Variants in PARD3B observed in about 807,000 individuals in gnomAD.
The protein encoded by PARD3B is par-3 family cell polarity regulator beta.
A neutral mutation model predicts 130.2 loss-of-function variants in PARD3B; 103 were observed. The observed-to-expected ratio is 0.79, with a 90% confidence interval of 0.67 to 0.93. PARD3B has a LOEUF of 0.93. Among genes scored for constraint, PARD3B ranks in the 40% least tolerant of loss-of-function variants. PARD3B has a pLI of 0.00. For missense variants in PARD3B, 1,609 were observed against 1,499.2 expected (o/e 1.07, Z -1.21); for synonymous variants, 583 against 553.2 (o/e 1.05, Z -0.76).
In PARD3B at chr2:204,887,040, A is replaced by AT. The variant is rs1307939373; in HGVS notation, c.223-78105dup. On this transcript the variant is annotated intron_variant, in intron 2 of 22. Coordinates refer to ENST00000406610, the MANE Select transcript of PARD3B (RefSeq NM_001302769.2). The surrounding 1 kb of genome is among the most constrained non-coding windows in gnomAD (Gnocchi z 4.2). Reference sequence around the variant, plus strand: ...TTTTATGCAGAAAACCCTTTGAGGCATTTTTTTAAATCAGTTTTTTTTAAT... The same window carrying AT: ...TTTTATGCAGAAAACCCTTTGAGGCATTTTTTTTAAATCAGTTTTTTTTAAT... Among the ~76,000 whole-genome samples the AT allele has an allele frequency of 5.9e-5, 9 of 152,280 alleles. No homozygotes were observed. Among genetic ancestry groups the AT allele is most frequent in the Non-Finnish European group, 4.4e-5 (3 of 67,992 alleles).
At chr2:204,598,623 G>A (rs1394073196) in intron 1 of PARD3B, among the ~76,000 whole-genome samples, 1 of 152,060 alleles carries the variant, frequency 6.6e-6, no homozygotes, top group African/African-American at 2.4e-5. Flanking sequence ...AAATGTGTAT[G>A]TATGCAAGTA....
intron 2 of PARD3B, among the ~76,000 whole-genome samples, chr2:204,870,495 G>C (rs561728154): frequency 6.6e-6 from 1 of 152,240 alleles, no homozygotes; most frequent in South Asian, 2.1e-4. Flanking sequence ...CCAGGAAATA[G>C]GTGGTCATGT....
At chr2:204,815,505 AT>A (rs943965465) in intron 2 of PARD3B, among the ~76,000 whole-genome samples, 6 of 151,786 alleles carry the variant, frequency 4.0e-5, no homozygotes, top group African/African-American at 1.4e-4. Context: ...TATTTTCTGT[AT>A]TATTTCTGCT....
chr2:204,682,524 T>C (rs1310551903), intron 1 of PARD3B, among the ~76,000 whole-genome samples: 1 of 152,238 alleles, frequency 6.6e-6, no homozygotes, highest in Non-Finnish European at 1.5e-5. Context: ...AAATTCCGTT[T>C]TGTTTTTACC....
chr2:205,126,752 CAAAAAAAAAAAAAAAAAA>C (rs4045004), intron 10 of PARD3B, among the ~76,000 whole-genome samples: 3 of 74,454 alleles, frequency 4.0e-5, no homozygotes, highest in East Asian at 4.1e-4. Context: ...GACTCCGTCT[CAAAAAAAAAAAAAAAAAA>C]AAAAAAAAAA....
At chr2:204,640,934 A>G (rs2035055006) in intron 1 of PARD3B, among the ~76,000 whole-genome samples, 2 of 147,928 alleles carry the variant, frequency 1.4e-5, no homozygotes, top group South Asian at 4.2e-4. Flanking sequence ...TATAATGTAT[A>G]TTTACTATGT....
chr2:204,949,252 C>CT (rs1436290305), intron 2 of PARD3B, among the ~76,000 whole-genome samples: 2 of 152,030 alleles, frequency 1.3e-5, no homozygotes, highest in Non-Finnish European at 2.9e-5. Flanking sequence ...TAATTGGTAT[C>CT]TTTTTTTCTC....
At chr2:205,080,207 C>T (rs566565784) in intron 4 of PARD3B, among the ~76,000 whole-genome samples, 7 of 152,198 alleles carry the variant, frequency 4.6e-5, no homozygotes, top group Admixed American at 6.5e-5. Flanking sequence ...AAATTTTACA[C>T]GTATTCCCCT....
At chr2:204,857,465 G>GA (rs1297699114) in intron 2 of PARD3B, among the ~76,000 whole-genome samples, 4 of 152,022 alleles carry the variant, frequency 2.6e-5, no homozygotes, top group East Asian at 1.9e-4. Flanking sequence ...AGATGAATGA[G>GA]AAAAAATCAT....
chr2:204,728,475 T>A (rs1316108633), intron 2 of PARD3B, among the ~76,000 whole-genome samples: 2 of 152,152 alleles, frequency 1.3e-5, no homozygotes, highest in Non-Finnish European at 2.9e-5. Context: ...GTGTTGAGGC[T>A]GAGGCAGTAA....
intron 22 of PARD3B, among the ~76,000 whole-genome samples, chr2:205,602,140 AT>A (rs1320151554): frequency 5.9e-5 from 9 of 152,002 alleles, no homozygotes; most frequent in African/African-American, 2.2e-4. Flanking sequence ...TAATCATGTG[AT>A]TTTTGTCTTC....
intron 4 of PARD3B, among the ~76,000 whole-genome samples, chr2:205,088,311 ATAAAT>A (rs547495724): frequency 8.5e-5 from 13 of 152,238 alleles, no homozygotes; most frequent in East Asian, 1.9e-4. Flanking sequence ...AAATAAGGAA[ATAAAT>A]TAAGATAAGA....
chr2:205,404,729 G>A (rs2046362682), intron 19 of PARD3B, among the ~76,000 whole-genome samples: 1 of 151,918 alleles, frequency 6.6e-6, no homozygotes, highest in Non-Finnish European at 1.5e-5. Flanking sequence ...TGTACAGACT[G>A]GTCTCTAATT....
chr2:204,905,728 G>A (rs2047020073), intron 2 of PARD3B, among the ~76,000 whole-genome samples: 1 of 152,130 alleles, frequency 6.6e-6, no homozygotes, highest in South Asian at 2.1e-4. Context: ...GGAAGAGTGG[G>A]GGTTAAATTA....
chr2:205,456,750 G>A (rs1228389661), intron 20 of PARD3B, among the ~76,000 whole-genome samples: 1 of 150,466 alleles, frequency 6.6e-6, no homozygotes, highest in Non-Finnish European at 1.5e-5. Context: ...ATTTATTATA[G>A]TATATAATTA....
At chr2:204,821,427 A>G (rs888024871) in intron 2 of PARD3B, among the ~76,000 whole-genome samples, 2 of 151,996 alleles carry the variant, frequency 1.3e-5, no homozygotes, top group African/African-American at 4.8e-5. Flanking sequence ...GGAAATCATC[A>G]TTCTCAGTAA....
intron 3 of PARD3B, among the ~76,000 whole-genome samples, chr2:205,009,542 G>T (rs558449985): frequency 1.1e-3 from 167 of 151,930 alleles, no homozygotes; most frequent in Admixed American, 2.1e-3. Flanking sequence ...ATGGTGGCGG[G>T]CGCCTGTAGT....
chr2:205,577,369 T>G (rs1198115423), intron 22 of PARD3B, among the ~76,000 whole-genome samples: 1 of 152,114 alleles, frequency 6.6e-6, no homozygotes, highest in Non-Finnish European at 1.5e-5. Context: ...ACCAACCAAA[T>G]GAAAACAATG....
chr2:205,612,957 G>A (rs1239065800), intron 22 of PARD3B, among the ~76,000 whole-genome samples: 6 of 152,118 alleles, frequency 3.9e-5, no homozygotes. Context: ...CTCGCCGACT[G>A]TACTGTCACA....
Sources: gnomAD v4.1 joint callset for allele counts (sites outside exome capture counted in the v4.1 genomes callset) on GRCh38, gnomAD v4.1.1 for gene constraint, Gnocchi (gnomAD v3.1) non-coding constraint, MANE v1.5 for transcripts, NCBI Gene and HGNC (gene_info 2026-07-23, HGNC 2026-07-21) for gene names.